SERPINB10: variants seen among roughly 807,000 people sequenced by gnomAD.
SERPINB10 encodes the protein serpin family B member 10.
SERPINB10 carries 35 observed loss-of-function variants against 39.1 expected under a neutral mutation model. That is an observed-to-expected ratio of 0.90 (90% CI 0.68 to 1.19). SERPINB10 has a LOEUF of 1.19. Among genes scored for constraint, SERPINB10 ranks in the 50% most tolerant of loss-of-function variants. The probability of loss-of-function intolerance (pLI) is 0.00; values close to 1 mark genes in which losing one functional copy is unlikely to be tolerated. For missense variants in SERPINB10, 546 were observed against 460.5 expected (o/e 1.19, Z -1.70); for synonymous variants, 190 against 158.1 (o/e 1.20, Z -1.52).
At chr18:63,929,893 C>A in intron 5 of SERPINB10, 152 bp from the exon 6 acceptor site, 2 of 705,438 alleles carry the variant, frequency 2.8e-6, no homozygotes, top group Admixed American at 2.9e-5. Flanking sequence ...CTATTCTGGA[C>A]AGGAATAGTA....
At chr18:63,921,110 A>G (rs2144728193) in intron 5 of SERPINB10, among the ~76,000 whole-genome samples, 1 of 152,096 alleles carries the variant, frequency 6.6e-6, no homozygotes, top group Non-Finnish European at 1.5e-5. Context: ...ATTATATTAT[A>G]TCTTATGAAG....
Position 63,919,656 on chromosome 18 carries a change from AAG to A in SERPINB10, c.373-127_373-126del, listed in dbSNP as rs142863888. 3.3e-4 allele frequency: 188 copies of A among 572,782 alleles called. 1 individual carries two copies. The East Asian group carries it at 5.1e-3, about 15-fold the overall frequency. The allele number at this position is 572,782 out of a possible 1,614,324, so 35.5% of individuals were successfully genotyped here. A position where few individuals can be genotyped will look rare whatever the true frequency, so the allele number is the denominator to read the frequency against. ...TTTTGACCAAAACTGGGAGTCAGGA[AAG>A]AGAGGATGGAGTGATGGTGTGGGAG... On this transcript the variant is annotated intron_variant, in intron 4 of 7. Coordinates refer to ENST00000238508, the MANE Select transcript of SERPINB10 (RefSeq NM_005024.3).
rs1196732960 is a variant in SERPINB10, at chr18:63,919,772, T to C, written c.373-16T>C. 6.6e-7 allele frequency: 1 copy of C among 1,514,734 alleles called. No individual in the cohort carries two copies. The highest frequency in any genetic ancestry group is 1.5e-5 in the African/African-American group (1 of 68,400). The allele number at this position is 1,514,734 out of a possible 1,614,324, so 93.8% of individuals were successfully genotyped here. A position where few individuals can be genotyped will look rare whatever the true frequency, so the allele number is the denominator to read the frequency against. On this transcript the variant is annotated splice_polypyrimidine_tract_variant and intron_variant, in intron 4 of 7. Transcript: ENST00000238508. ...AACAAACTCTACAAAAGGGGATTTT[T>C]ATCTATGTCTTTCAGAAATATTTAG...
At chr18:63,917,911 A>T (rs724557) in intron 3 of SERPINB10, 54 bp from the exon 4 acceptor site, 309,237 of 1,514,612 alleles carry the variant, frequency 0.2, 34,161 homozygotes, top group African/African-American at 0.4. Context: ...GTTTGCTAAC[A>T]TGTACGTAAC....
chr18:63,934,181 A>G (rs920601609), intron 7 of SERPINB10, among the ~76,000 whole-genome samples: 2 of 152,224 alleles, frequency 1.3e-5, no homozygotes, highest in African/African-American at 2.4e-5. Context: ...TAAAAAATCA[A>G]ACATACACAT....
intron 7 of SERPINB10, among the ~76,000 whole-genome samples, chr18:63,933,813 A>G (rs1457455018): frequency 1.3e-5 from 2 of 152,226 alleles, no homozygotes; most frequent in Non-Finnish European, 2.9e-5. Flanking sequence ...AGCAATTTGC[A>G]TGCCTAAACT....
rs2050209407 is a variant in SERPINB10, at chr18:63,929,964, A to G, written c.491-81A>G. The G allele has an allele frequency of 1.5e-5, 21 of 1,446,944 alleles. No individual in the cohort carries two copies. The South Asian group carries it at 2.7e-4, about 18-fold the overall frequency. The allele number at this position is 1,446,944 out of a possible 1,614,324, so 89.6% of individuals were successfully genotyped here. A position where few individuals can be genotyped will look rare whatever the true frequency, so the allele number is the denominator to read the frequency against. ...TTAAAGAAAACTTTTATAGTTCCAG[A>G]AAAAATAGAAGCCTGGTTGTCTTTA... is the stretch of plus-strand genomic sequence containing the variant. On this transcript the variant is annotated intron_variant, in intron 5 of 7. Coordinates refer to ENST00000238508, the MANE Select transcript of SERPINB10 (RefSeq NM_005024.3).
chr18:63,924,200 A>G lies in SERPINB10; in HGVS notation c.490+4295A>G, dbSNP rs72941740. On this transcript the variant is annotated intron_variant, in intron 5 of 7. Transcript: ENST00000238508. ...GTTTACCAGTCTTAGTTTATAATACAGATCACAATAACTTGTCTATGGTCA... is the reference window on the plus strand; with the variant it reads ...GTTTACCAGTCTTAGTTTATAATACGGATCACAATAACTTGTCTATGGTCA... Among the ~76,000 whole-genome samples, 409 of 152,110 alleles carry G rather than the reference A, an allele frequency of 2.7e-3. 2 individuals carry two copies. The highest frequency in any genetic ancestry group is 3.8e-3 in the Non-Finnish European group (259 of 67,950).
At chr18:63,915,367 G>A (rs535988792) in intron 1 of SERPINB10, 135 bp from the exon 2 acceptor site, 34 of 507,918 alleles carry the variant, frequency 6.7e-5, no homozygotes, top group African/African-American at 6.5e-4. Context: ...TATTGGACTA[G>A]AATTTTGCTA....
intron 4 of SERPINB10, 85 bp downstream of exon 4, chr18:63,918,187 G>A: frequency 7.0e-7 from 1 of 1,422,954 alleles, no homozygotes; most frequent in Non-Finnish European, 9.7e-7. Context: ...TTTCTTTAGG[G>A]ATCCAGGGAC....
rs144502718 is a variant in SERPINB10 at position 63,917,456 on chromosome 18, G to A, written c.169G>A (p.Val57Met). 70 of 1,557,724 alleles carry A rather than the reference G, an allele frequency of 4.5e-5. No homozygotes were observed. In the African/African-American group the frequency reaches 8.3e-4, roughly 19 times the overall value. The change falls in exon 3 of 8, where the codon GTG becomes ATG. Residue 57 changes from valine (V) to methionine (M), a missense_variant and splice_region_variant. Physicochemically the swap from Val to Met is conservative, Grantham distance 21. Coordinates refer to ENST00000238508, the MANE Select transcript of SERPINB10 (RefSeq NM_005024.3). The part of the protein sequence containing the change: ...KGTTAAQMAQ[V>M]LQFNRDQGVK... ...ATTTGTATTTTTATTGAAATTACAG[G>A]TGCTTCAATTTAACAGAGACCAGGG... is the stretch of plus-strand genomic sequence containing the variant.
chr18:63,926,134 C>T (rs79123858), intron 5 of SERPINB10, among the ~76,000 whole-genome samples: 4,257 of 152,116 alleles, frequency 0.028, 219 homozygotes, highest in African/African-American at 0.097. Context: ...CAAGGCTGTG[C>T]TCTCTCTGAA....
At chr18:63,925,196 C>T (rs2050172363) in intron 5 of SERPINB10, among the ~76,000 whole-genome samples, 1 of 151,912 alleles carries the variant, frequency 6.6e-6, no homozygotes. Context: ...ATCAATATGA[C>T]CTTCTAGTCT....
chr18:63,920,362 A>C (rs1231171608), intron 5 of SERPINB10, among the ~76,000 whole-genome samples: 1 of 152,010 alleles, frequency 6.6e-6, no homozygotes, highest in East Asian at 1.9e-4. Context: ...GAGACCCAAA[A>C]TATAGTGGCT....
intron 5 of SERPINB10, among the ~76,000 whole-genome samples, chr18:63,921,594 T>C (rs972091498): frequency 6.6e-6 from 1 of 151,982 alleles, no homozygotes; most frequent in African/African-American, 2.4e-5. Context: ...TCTAATCTTG[T>C]TCCCTTCAAA....
chr18:63,929,712 CAAAAAAAAAAAAAA>C (rs74169990), intron 5 of SERPINB10, among the ~76,000 whole-genome samples: 2 of 97,348 alleles, frequency 2.1e-5, no homozygotes, highest in Non-Finnish European at 4.9e-5. Flanking sequence ...AGCTAAAGTG[CAAAAAAAAAAAAAA>C]AAAAAAAGAA....
chr18:63,921,215 G>A lies in SERPINB10; in HGVS notation c.490+1310G>A, dbSNP rs147454522. Among the ~76,000 whole-genome samples the A allele has an allele frequency of 3.6e-3, 548 of 151,976 alleles. 4 individuals carry two copies. The highest frequency in any genetic ancestry group is 0.013 in the African/African-American group (531 of 41,500). On this transcript the variant is annotated intron_variant, in intron 5 of 7. Transcript: ENST00000238508. ...TTTGTCATTAATGAATATTAATGAT[G>A]ATGCCTTTGCTTTGTGTCTAAGCAC... is the stretch of plus-strand genomic sequence containing the variant.
chr18:63,933,729 C>T (rs1176065411), intron 7 of SERPINB10, among the ~76,000 whole-genome samples: 1 of 152,212 alleles, frequency 6.6e-6, no homozygotes, highest in Non-Finnish European at 1.5e-5. Context: ...ATACTGTCTT[C>T]AAGAATTATT....
In SERPINB10 at chr18:63,919,905, G is replaced by T; in HGVS notation, c.490G>T (p.Gly164Cys). 1 of 1,591,226 alleles carries T rather than the reference G, an allele frequency of 6.3e-7. No homozygotes were observed. Among genetic ancestry groups the T allele is most frequent in the Non-Finnish European group, 8.6e-7 (1 of 1,167,124 alleles). The change falls in exon 5 of 8, where the codon GGT (glycine) becomes TGT (cysteine). Residue 164 changes from glycine (G) to cysteine (C), a missense_variant and splice_region_variant. Transcript: ENST00000238508. The stretch of plus-strand genomic sequence containing the variant: ...CTCTTGGGTTGAAAGACAGACCGAG[G>T]GTAAGCTTTCACCAAGGGGTTTGGC... ...INSWVERQTE[G>C]KIQNLLPDDS...
Sources: gnomAD v4.1 joint callset for allele counts (sites outside exome capture counted in the v4.1 genomes callset) on GRCh38, gnomAD v4.1.1 for gene constraint, MANE v1.5 for transcripts, NCBI Gene and HGNC (gene_info 2026-07-23, HGNC 2026-07-21) for gene names.